PPP2R1B: variants seen among roughly 807,000 people sequenced by gnomAD.
The protein encoded by PPP2R1B is serine/threonine-protein phosphatase 2A 65 kDa regulatory subunit A beta isoform.
PPP2R1B carries 58 observed loss-of-function variants against 72.7 expected under a neutral mutation model. The observed-to-expected ratio is 0.80, with a 90% CI of 0.65 to 0.99. The LOEUF (loss-of-function observed/expected upper bound fraction) is 0.99, where lower values mean the gene tolerates loss of function less well. PPP2R1B is among the 50% of genes least tolerant of loss of function. The pLI, the probability that PPP2R1B is intolerant of heterozygous loss-of-function variation, is 0.00. For missense variants in PPP2R1B, 695 were observed against 733.6 expected (o/e 0.95, Z 0.61); for synonymous variants, 256 against 264.6 (o/e 0.97, Z 0.32).
chr11:111,704,046 A>G, the PPP2R1B span, among the ~76,000 whole-genome samples: 1 of 152,244 alleles, frequency 6.6e-6, no homozygotes, highest in Non-Finnish European at 1.5e-5. Flanking sequence ...TCAGGAAGAA[A>G]CATAACAAGA....
chr11:111,753,340 T>TA, intron 9 of PPP2R1B, 103 bp downstream of exon 9: 1 of 1,418,164 alleles, frequency 7.1e-7, no homozygotes, highest in Non-Finnish European at 9.6e-7. Flanking sequence ...ATGATTTTTT[T>TA]ATCCATTTTC....
At chr11:111,688,830 C>G in the PPP2R1B span, among the ~76,000 whole-genome samples, 1 of 152,140 alleles carries the variant, frequency 6.6e-6, no homozygotes, top group Non-Finnish European at 1.5e-5. The surrounding 1 kb of genome is among the most constrained non-coding windows in gnomAD (Gnocchi z 4.2). Context: ...GAAATCATTT[C>G]ACAACATATC....
At chr11:111,709,705 A>G in the PPP2R1B span, among the ~76,000 whole-genome samples, 22 of 152,334 alleles carry the variant, frequency 1.4e-4, no homozygotes, top group Middle Eastern at 3.4e-3. Flanking sequence ...TGTTCCAAAA[A>G]GACTCCTTTG....
chr11:111,723,984 G>A (rs770935216), downstream of PPP2R1B: 15 of 1,614,168 alleles, frequency 9.3e-6, no homozygotes, highest in South Asian at 1.4e-4. Flanking sequence ...GACCTAACGG[G>A]GCCAGACTGT....
chr11:111,748,225 G>A (rs1283667957), intron 10 of PPP2R1B, among the ~76,000 whole-genome samples: 1 of 152,226 alleles, frequency 6.6e-6, no homozygotes, highest in African/African-American at 2.4e-5. Flanking sequence ...ACGTGAGCTG[G>A]CATAGGCCCT....
At chr11:111,717,360 C>A in the PPP2R1B span, among the ~76,000 whole-genome samples, 7 of 128,376 alleles carry the variant, frequency 5.5e-5, no homozygotes, top group South Asian at 2.0e-3. Context: ...CATGACTGAT[C>A]ATTAGAGAAA....
downstream of PPP2R1B, chr11:111,726,809 G>C: frequency 1.5e-6 from 1 of 672,006 alleles, no homozygotes; most frequent in Non-Finnish European, 2.6e-6. Context: ...TTAGCAGTGT[G>C]TACACTACTG....
chr11:111,741,419 A>C lies in PPP2R1B; in HGVS notation c.*177T>G, dbSNP rs576078226. ...ATTTAACAAGGAAGACGAGTAAAAA[A>C]CAATCCCATTTCATCTTTAGAAAGA... On this transcript the variant is annotated 3_prime_UTR_variant, in exon 15 of 15. Coordinates refer to ENST00000527614, the MANE Select transcript of PPP2R1B (RefSeq NM_002716.5). 7.1e-7 allele frequency: 1 copy of C among 1,415,668 alleles called. No individual in the cohort carries two copies. Among genetic ancestry groups the C allele is most frequent in the Non-Finnish European group, 9.2e-7 (1 of 1,088,158 alleles). 87.7% of individuals were successfully genotyped at this position (1,415,668 alleles called of 1,614,324 possible). A position where few individuals can be genotyped will look rare whatever the true frequency, so the allele number is the denominator to read the frequency against.
At chr11:111,721,002 A>G in the PPP2R1B span, 1 of 1,614,228 alleles carries the variant, frequency 6.2e-7, no homozygotes, top group Admixed American at 1.7e-5. Flanking sequence ...GACCGGAGGC[A>G]GACCCTAACC....
At chr11:111,732,276 T>A (rs1221417197) in intron 15 of PPP2R1B, among the ~76,000 whole-genome samples, 1 of 152,206 alleles carries the variant, frequency 6.6e-6, no homozygotes, top group Non-Finnish European at 1.5e-5. Context: ...CCAAAGAGCA[T>A]GTACACAGAC....
chr11:111,705,116 A>G, the PPP2R1B span: 1 of 1,578,480 alleles, frequency 6.3e-7, no homozygotes, highest in Non-Finnish European at 8.6e-7. The surrounding 1 kb of genome is among the most constrained non-coding windows in gnomAD (Gnocchi z 4.3). Context: ...GCCTAGCACC[A>G]TTGCTGAGCA....
intron 1 of PPP2R1B, 83 bp downstream of exon 1, chr11:111,766,165 C>A (rs1433528188): frequency 1.4e-6 from 2 of 1,388,066 alleles, no homozygotes; most frequent in Admixed American, 3.5e-5. Context: ...ACCTCGGCCA[C>A]CCCCACCGCG....
At chr11:111,766,183 C>G in intron 1 of PPP2R1B, 65 bp downstream of exon 1, 1 of 1,529,748 alleles carries the variant, frequency 6.5e-7, no homozygotes, top group Non-Finnish European at 9.0e-7. Flanking sequence ...GCGACGCAGG[C>G]CTTCCCCCTT....
At chr11:111,712,214 C>G in the PPP2R1B span, 2 of 1,614,114 alleles carry the variant, frequency 1.2e-6, no homozygotes, top group Non-Finnish European at 1.7e-6. Context: ...TTTACAGGCA[C>G]AGACTGTGGG....
intron 10 of PPP2R1B, among the ~76,000 whole-genome samples, chr11:111,749,082 T>C (rs901924548): frequency 2.0e-4 from 30 of 152,132 alleles, no homozygotes; most frequent in Non-Finnish European, 3.1e-4. Context: ...CTGACTCAGA[T>C]GATCCGTCCG....
Position 111,740,001 on chromosome 11 carries a change from A to T in PPP2R1B, c.*1595T>A. 1 of 981,966 alleles carries T rather than the reference A, an allele frequency of 1.0e-6. No homozygotes were observed. Among genetic ancestry groups the T allele is most frequent in the Non-Finnish European group, 1.2e-6 (1 of 826,748 alleles). 60.8% of individuals were successfully genotyped at this position (981,966 alleles called of 1,614,324 possible). On this transcript the variant is annotated 3_prime_UTR_variant, in exon 15 of 15. Coordinates refer to ENST00000527614, the MANE Select transcript of PPP2R1B (RefSeq NM_002716.5). The stretch of plus-strand genomic sequence containing the variant: ...AAAGTATTTAGTAAAACTTGGTTTT[A>T]TGTAACAAATATACAAAGTCTTAGA...
downstream of PPP2R1B, chr11:111,722,708 A>G: frequency 6.2e-7 from 1 of 1,614,128 alleles, no homozygotes; most frequent in Non-Finnish European, 8.5e-7. The surrounding 1 kb of genome is among the most constrained non-coding windows in gnomAD (Gnocchi z 4.4). Context: ...TGTCAGCTTT[A>G]TTGCAAAGAA....
intron 15 of PPP2R1B, chr11:111,729,128 A>G (rs960776024): frequency 5.9e-5 from 9 of 152,208 alleles, no homozygotes; most frequent in African/African-American, 2.2e-4. Flanking sequence ...AGCCTCTCAC[A>G]TTCTTATTTT....
In PPP2R1B at chr11:111,753,565, C is replaced by A. The variant is rs782320359; in HGVS notation, c.1042G>T (p.Asp348Tyr). 1.9e-6 allele frequency: 3 copies of A among 1,605,140 alleles called. No individual in the cohort carries two copies. Among genetic ancestry groups the A allele is most frequent in the Non-Finnish European group, 8.5e-7 (1 of 1,177,126 alleles). Residue 348 changes from aspartate (D) to tyrosine (Y), a missense_variant, in exon 9 of 15, where the codon GAT (aspartate) becomes TAT (tyrosine). Transcript: ENST00000527614. ...ILPYIKELVS[D>Y]TNQHVKSALA... ...GCCGATTTGACATGTTGATTGGTAT[C>A]GGATACTAATTCCTAAAATAAAATC... is the stretch of plus-strand genomic sequence containing the variant.
Sources: allele counts gnomAD v4.1 joint callset (sites outside exome capture counted in the v4.1 genomes callset), GRCh38; gene constraint gnomAD v4.1.1; non-coding constraint Gnocchi (gnomAD v3.1); transcripts MANE v1.5; gene names NCBI Gene and HGNC (gene_info 2026-07-23, HGNC 2026-07-21).